The following OTOG variants were observed in gnomAD, a reference collection of about 807,000 sequenced individuals.
OTOG encodes otogelin.
A neutral mutation model predicts 313.8 loss-of-function variants in OTOG; 296 were observed. The ratio of observed to expected loss-of-function variants is 0.94; its 90% CI spans 0.86 to 1.04. The LOEUF is 1.04. Among genes scored for constraint, OTOG ranks in the 50% least tolerant of loss-of-function variants. OTOG has a pLI of 0.00. For missense variants in OTOG, 3,948 were observed against 3,840.1 expected (o/e 1.03, Z -0.74); for synonymous variants, 1,533 against 1,554.9 (o/e 0.99, Z 0.33).
At chr11:17,566,823 C>A (rs11605447) in intron 15 of OTOG, among the ~76,000 whole-genome samples, 1 of 152,192 alleles carries the variant, frequency 6.6e-6, no homozygotes, top group Non-Finnish European at 1.5e-5. Context: ...AACACCTTTC[C>A]TCCCACTCTC....
At chr11:17,634,342 C>T (rs1854207845) in intron 44 of OTOG, 61 bp downstream of exon 44, 1 of 1,489,574 alleles carries the variant, frequency 6.7e-7, no homozygotes, top group South Asian at 1.2e-5. Flanking sequence ...GGTTCCAGCC[C>T]TGCACACCAA....
At position 17,642,237 on chromosome 11, in the gene OTOG, G is replaced by C; in HGVS notation, c.8406G>C (p.Glu2802Asp). 6.5e-7 allele frequency: 1 copy of C among 1,549,330 alleles called. No individual in the cohort carries two copies. Among genetic ancestry groups the C allele is most frequent in the Middle Eastern group, 1.7e-4 (1 of 5,982 alleles). ...PISCPPLNETECAKVGGSVVP... is the reference protein window; with the variant it reads ...PISCPPLNETDCAKVGGSVVP... ...GCTGCCCACCGCTCAATGAGACTGA[G>C]TGTGCCAAGGTCAGTGCCTCCTTCT... is the stretch of plus-strand genomic sequence containing the variant. Residue 2802 changes from glutamate to aspartate, a missense_variant, in exon 53 of 56, where the codon GAG (glutamate) becomes GAC (aspartate). Transcript: ENST00000399397.
At chr11:17,625,094 G>A (rs767577032) in intron 39 of OTOG, among the ~76,000 whole-genome samples, 1 of 152,126 alleles carries the variant, frequency 6.6e-6, no homozygotes, top group African/African-American at 2.4e-5. Flanking sequence ...GGATCATGTT[G>A]TCTGCAAACA....
At chr11:17,627,313 G>T (rs918980071) in intron 39 of OTOG, among the ~76,000 whole-genome samples, 4 of 151,510 alleles carry the variant, frequency 2.6e-5, no homozygotes. Flanking sequence ...TTTTTTTTTA[G>T]GATTTTTATT....
chr11:17,583,588 A>G (rs769783432), intron 23 of OTOG, among the ~76,000 whole-genome samples: 2 of 152,186 alleles, frequency 1.3e-5, no homozygotes, highest in Admixed American at 6.5e-5. Context: ...TCTTCTCCCC[A>G]TGTAATTGCT....
At position 17,616,749 on chromosome 11, in the gene OTOG, A is replaced by T. The variant is rs1853729822; in HGVS notation, c.6528+3048A>T. On this transcript the variant is annotated intron_variant, in intron 39 of 55. Transcript: ENST00000399397. ...TCTTGCAACGTTACTAAGCTCAGTT[A>T]TTAGTTCTTAAATTCTTTGGGTTTT... Among the ~76,000 whole-genome samples, 3 of 152,314 alleles carry T rather than the reference A, an allele frequency of 2.0e-5. No homozygotes were observed. In the South Asian group the frequency reaches 6.2e-4, roughly 32 times the overall value.
At chr11:17,578,839 G>T (rs1251903494) in intron 23 of OTOG, among the ~76,000 whole-genome samples, 5 of 152,202 alleles carry the variant, frequency 3.3e-5, no homozygotes, top group Non-Finnish European at 7.3e-5. Context: ...ACTGAGTGGG[G>T]TGTCTGGCAC....
intron 24 of OTOG, among the ~76,000 whole-genome samples, chr11:17,590,640 C>T (rs1565106430): frequency 1.3e-5 from 2 of 152,294 alleles, no homozygotes; most frequent in African/African-American, 4.8e-5. Flanking sequence ...ATGCCCACCA[C>T]CCCCCATTCC....
Position 17,591,576 on chromosome 11 carries a change from G to A in OTOG, c.2994G>A (p.Val998=). ...TTGACTTCGTGGGGGCATGCAAAGTGCACCTGGTCAAGGTGAGTTCCCGGA... is the reference window on the plus strand; with the variant it reads ...TTGACTTCGTGGGGGCATGCAAAGTACACCTGGTCAAGGTGAGTTCCCGGA... ...LPFDFVGACK[V]HLVKSTSDVS... Residue 998 remains valine, a synonymous_variant, in exon 25 of 56, where the codon GTG becomes GTA. Transcript: ENST00000399397. 1 of 1,550,638 alleles carries A rather than the reference G, an allele frequency of 6.4e-7. No homozygotes were observed.
chr11:17,617,929 T>C (rs1853764708), intron 39 of OTOG, among the ~76,000 whole-genome samples: 1 of 152,086 alleles, frequency 6.6e-6, no homozygotes, highest in South Asian at 2.1e-4. Flanking sequence ...TTTTTTTTTT[T>C]TGAGACAGAG....
At chr11:17,612,111 T>A in intron 36 of OTOG, 51 bp from the exon 37 acceptor site, 1 of 1,540,412 alleles carries the variant, frequency 6.5e-7, no homozygotes, top group Admixed American at 2.0e-5. Flanking sequence ...GCTTGCAGGG[T>A]GGGCTGTAGC....
rs1443800544 is a variant in OTOG at position 17,573,222 on chromosome 11, C to T, written c.2225C>T (p.Ala742Val). The change falls in exon 19 of 56, where the codon GCC becomes GTC. Residue 742 changes from alanine (A) to valine (V), a missense_variant. Physicochemically the swap from Ala to Val is moderately conservative, Grantham distance 64 (BLOSUM62 0). Transcript: ENST00000399397. ...CGQPCLCATL[A>V]HYAHLCRRHG... ...CAGCCCTGCCTGTGCGCCACACTGG[C>T]CCACTACGCCCACCTGTGCCGGCGC... is the stretch of plus-strand genomic sequence containing the variant. The T allele has an allele frequency of 2.0e-6, 3 of 1,536,270 alleles. No individual in the cohort carries two copies. Among genetic ancestry groups the T allele is most frequent in the Non-Finnish European group, 2.6e-6 (3 of 1,146,200 alleles).
chr11:17,626,716 G>A (rs1853993783), intron 39 of OTOG, among the ~76,000 whole-genome samples: 1 of 152,112 alleles, frequency 6.6e-6, no homozygotes, highest in African/African-American at 2.4e-5. Flanking sequence ...TGGGTAATAT[G>A]TACATTTTAA....
chr11:17,629,270 C>T lies in OTOG; in HGVS notation c.6666C>T (p.Ile2222=), dbSNP rs866281153. The part of the protein sequence containing the change: ...IQWLHSSGLM[I]VEASKTSKAQ... Reference sequence around the variant, plus strand: ...GGCTCCACAGCTCAGGACTCATGATCGTGGAGGCCAGCAAAACCAGCAAGG... The same window carrying T: ...GGCTCCACAGCTCAGGACTCATGATTGTGGAGGCCAGCAAAACCAGCAAGG... The change falls in exon 40 of 56, where the codon ATC becomes ATT. Residue 2222 remains isoleucine (I), a synonymous_variant. Transcript: ENST00000399397. 27 of 1,550,458 alleles carry T rather than the reference C, an allele frequency of 1.7e-5. No individual in the cohort carries two copies. The highest frequency in any genetic ancestry group is 2.2e-5 in the Non-Finnish European group (25 of 1,147,006).
rs1311753590 is a variant in OTOG, at chr11:17,602,254, G to A, written c.3754G>A (p.Gly1252Ser). ...PYQLSSLAAG[G>S]ALVGMKAVGD... ...TCAGCTATCCAGCTTGGCAGCCGGT[G>A]GTGCTCTGGTGGGCATGAAGGCGGT... Residue 1252 changes from glycine to serine, a missense_variant, in exon 32 of 56, where the codon GGT (glycine) becomes AGT (serine). Gly to Ser is a moderately conservative substitution (Grantham distance 56). Transcript: ENST00000399397. 6.4e-7 allele frequency: 1 copy of A among 1,550,588 alleles called. No individual in the cohort carries two copies. Among genetic ancestry groups the A allele is most frequent in the South Asian group, 1.2e-5 (1 of 84,050 alleles).
rs545001868 is a variant in OTOG, at chr11:17,558,278, G to A, written c.959G>A (p.Arg320His). The A allele has an allele frequency of 4.4e-5, 68 of 1,550,718 alleles. No individual in the cohort carries two copies. The highest frequency in any genetic ancestry group is 1.7e-4 in the East Asian group (7 of 40,918). The change falls in exon 9 of 56, where the codon CGC becomes CAC. Residue 320 changes from arginine (R) to histidine (H), a missense_variant. Coordinates refer to ENST00000399397, the MANE Select transcript of OTOG (RefSeq NM_001292063.2). ...PPGPTTSSLPRPPCLQQNPGT... is the reference protein window; with the variant it reads ...PPGPTTSSLPHPPCLQQNPGT... ...GGGCCCACAACTTCCTCCCTGCCTC[G>A]CCCACCGTGCCTACAGCAGAACCCA...
chr11:17,593,812 G>A (rs1853017966), intron 27 of OTOG, 56 bp downstream of exon 27: 2 of 1,531,444 alleles, frequency 1.3e-6, no homozygotes, highest in African/African-American at 1.4e-5. Context: ...CAAGCCCTGG[G>A]TGTCCTTGGG....
At position 17,586,532 on chromosome 11, in the gene OTOG, G is replaced by A. The variant is rs1852798280; in HGVS notation, c.2818G>A (p.Gly940Arg). 3.4e-6 allele frequency: 5 copies of A among 1,452,126 alleles called. No individual in the cohort carries two copies. Among genetic ancestry groups the A allele is most frequent in the Non-Finnish European group, 4.6e-6 (5 of 1,097,554 alleles). 90.0% of individuals were successfully genotyped at this position (1,452,126 alleles called of 1,614,324 possible). The change falls in exon 24 of 56, where the codon GGG becomes AGG. Residue 940 changes from glycine (G) to arginine (R), a missense_variant. Gly to Arg is a moderately radical substitution (Grantham distance 125). Transcript: ENST00000399397. ...AGAGGAGTGCCCCTGCACTTGGAAG[G>A]GGAAGGAGTATTTCCCTGGGGACCA... is the stretch of plus-strand genomic sequence containing the variant. The part of the protein sequence containing the change: ...LPEECPCTWK[G>R]KEYFPGDQVM...
intron 29 of OTOG, 96 bp downstream of exon 29, chr11:17,596,250 G>C (rs1853103463): frequency 1.1e-6 from 1 of 896,170 alleles, no homozygotes; most frequent in African/African-American, 1.6e-5. Context: ...AGAGGAGACA[G>C]CTCAGATCTC....
Sources: allele counts gnomAD v4.1 joint callset (sites outside exome capture counted in the v4.1 genomes callset), GRCh38; gene constraint gnomAD v4.1.1; transcripts MANE v1.5; gene names NCBI Gene and HGNC (gene_info 2026-07-23, HGNC 2026-07-21).